CASZ1: variants seen among roughly 807,000 people sequenced by gnomAD.
The protein encoded by CASZ1 is castor zinc finger 1, also known as zinc finger protein castor homolog 1.
In CASZ1, 28 loss-of-function variants were observed where a neutral mutation model predicts 135.2. The ratio of observed to expected loss-of-function variants is 0.21; its 90% CI spans 0.15 to 0.28. CASZ1 has a LOEUF of 0.28. Ranked by LOEUF, CASZ1 falls within the 10% of genes least tolerant of loss-of-function variation. The pLI is 1.00. For missense variants in CASZ1, 2,161 were observed against 2,453.3 expected, an observed-to-expected ratio of 0.88 and a Z score of 2.52; for synonymous variants, 1,068 against 1,073.4, an observed-to-expected ratio of 0.99 and a Z score of 0.10.
rs754814945 is a variant in CASZ1 at position 10,643,136 on chromosome 1, C to T, written c.4020+24G>A. ...ATGCGTTCCCGCCACCCTGGCTGGG[C>T]TCTCACCTGGGGGGGGCTCTCACCT... On this transcript the variant is annotated intron_variant, in intron 19 of 20. Transcript: ENST00000377022. 2.8e-5 allele frequency: 45 copies of T among 1,604,546 alleles called. No homozygotes were observed. The South Asian group carries it at 4.1e-4, about 15-fold the overall frequency.
intron 5 of CASZ1, among the ~76,000 whole-genome samples, chr1:10,661,799 TCACA>T (rs557582262): frequency 6.7e-6 from 1 of 148,412 alleles, no homozygotes; most frequent in African/African-American, 2.5e-5. Flanking sequence ...ACATCCATTC[TCACA>T]CACACACCCA....
At chr1:10,753,018 C>G (rs541797525) in intron 2 of CASZ1, among the ~76,000 whole-genome samples, 2 of 152,266 alleles carry the variant, frequency 1.3e-5, no homozygotes, top group African/African-American at 4.8e-5. Flanking sequence ...GCCTGGGCAG[C>G]AAGACCAAAA....
chr1:10,789,990 G>A (rs1640927446), intron 1 of CASZ1, among the ~76,000 whole-genome samples: 2 of 152,144 alleles, frequency 1.3e-5, no homozygotes, highest in Non-Finnish European at 2.9e-5. Flanking sequence ...GCCCGAGGTG[G>A]GGGTGCCCCC....
intron 2 of CASZ1, among the ~76,000 whole-genome samples, chr1:10,744,296 C>G (rs1639995629): frequency 6.6e-6 from 1 of 151,900 alleles, no homozygotes; most frequent in South Asian, 2.1e-4. Flanking sequence ...AACTTTGGTA[C>G]CGAGACTTCT....
chr1:10,653,128 C>G, intron 11 of CASZ1: 1 of 582,464 alleles, frequency 1.7e-6, no homozygotes, highest in Non-Finnish European at 3.1e-6. Context: ...GAGGCAGGGA[C>G]CATCGCCCCC....
chr1:10,703,193 A>C (rs985679096), intron 3 of CASZ1, among the ~76,000 whole-genome samples: 1 of 152,154 alleles, frequency 6.6e-6, no homozygotes, highest in African/African-American at 2.4e-5. Context: ...CCGCGGCCGC[A>C]GCTCCCGTCT....
chr1:10,788,573 G>C lies in CASZ1; in HGVS notation c.-234+7991C>G, dbSNP rs1309645995. ...GATTCAAAAGAAGGGAAGAAGCACA[G>C]CCCAGAGACTGCCCGCCGTCAAACC... On this transcript the variant is annotated intron_variant, in intron 1 of 20. Transcript: ENST00000377022. This position sits in a 1 kb window ranked among gnomAD's most constrained non-coding sequence, Gnocchi z 4.1. Among the ~76,000 whole-genome samples the C allele has an allele frequency of 6.6e-6, 1 of 152,220 alleles. No homozygotes were observed. The highest frequency in any genetic ancestry group is 2.4e-5 in the African/African-American group (1 of 41,458).
At chr1:10,654,628 C>T in intron 9 of CASZ1, 37 bp from the exon 10 acceptor site, 1 of 1,597,664 alleles carries the variant, frequency 6.3e-7, no homozygotes, top group Non-Finnish European at 8.6e-7. Context: ...CGAACGGAGG[C>T]CAGGTGCTCC....
chr1:10,639,821 C>A lies in CASZ1; in HGVS notation c.4401G>T (p.Lys1467Asn). The A allele has an allele frequency of 6.2e-7, 1 of 1,610,534 alleles. No individual in the cohort carries two copies. Among genetic ancestry groups the A allele is most frequent in the Non-Finnish European group, 8.5e-7 (1 of 1,178,910 alleles). ...TGTACATGTGCGTGCGCCCGCAGAACTTGTAGCCGCAGTTCTCGCGCGTGC... is the reference window on the plus strand; with the variant it reads ...TGTACATGTGCGTGCGCCCGCAGAAATTGTAGCCGCAGTTCTCGCGCGTGC... Reference protein sequence around the residue: ...YHCTRENCGYKFCGRTHMYKH... With the variant: ...YHCTRENCGYNFCGRTHMYKH... The change falls in exon 21 of 21, where the codon AAG becomes AAT. Residue 1467 changes from lysine to asparagine, a missense_variant. Coordinates refer to ENST00000377022, the MANE Select transcript of CASZ1 (RefSeq NM_001079843.3). This position sits in a 1 kb window ranked among gnomAD's most constrained non-coding sequence, Gnocchi z 4.0.
intron 3 of CASZ1, chr1:10,704,526 G>T (rs370381645): frequency 6.6e-6 from 1 of 152,250 alleles, no homozygotes; most frequent in Non-Finnish European, 1.5e-5. Context: ...GGGATGCCGC[G>T]GTGGGAGCCG....
In CASZ1 at chr1:10,794,297, C is replaced by T. The variant is rs1218171242; in HGVS notation, c.-234+2267G>A. Among the ~76,000 whole-genome samples, 1 of 152,074 alleles carries T rather than the reference C, an allele frequency of 6.6e-6. No homozygotes were observed. Reference sequence around the variant, plus strand: ...GTGCGCTCTCACCGCGCGCCTGTACCAGCTCGGAGACGTCCTAAATTTACT... The same window carrying T: ...GTGCGCTCTCACCGCGCGCCTGTACTAGCTCGGAGACGTCCTAAATTTACT... On this transcript the variant is annotated intron_variant, in intron 1 of 20. Transcript: ENST00000377022. The surrounding 1 kb of genome is among the most constrained non-coding windows in gnomAD (Gnocchi z 5.6).
At chr1:10,723,605 C>T (rs1439864471) in intron 2 of CASZ1, among the ~76,000 whole-genome samples, 1 of 152,178 alleles carries the variant, frequency 6.6e-6, no homozygotes, top group Admixed American at 6.5e-5. Flanking sequence ...TGGCACTGGG[C>T]AATGGGGTCC....
chr1:10,679,798 T>C lies in CASZ1; in HGVS notation c.16+14076A>G, dbSNP rs1471016832. Among the ~76,000 whole-genome samples, 9 of 152,218 alleles carry C rather than the reference T, an allele frequency of 5.9e-5. No individual in the cohort carries two copies. The highest frequency in any genetic ancestry group is 5.9e-4 in the Admixed American group (9 of 15,284). The stretch of plus-strand genomic sequence containing the variant: ...CCGGCCCAACCTGGGCTCCAGCTGA[T>C]TAAGGATCTGCAACAGGATGTAGGG... On this transcript the variant is annotated intron_variant, in intron 4 of 20. Transcript: ENST00000377022. This position sits in a 1 kb window ranked among gnomAD's most constrained non-coding sequence, Gnocchi z 4.7.
intron 4 of CASZ1, among the ~76,000 whole-genome samples, chr1:10,671,187 A>C (rs1392028425): frequency 6.6e-6 from 1 of 152,240 alleles, no homozygotes; most frequent in Non-Finnish European, 1.5e-5. Context: ...AACTGTTAGC[A>C]TCCACCGCAC....
intron 13 of CASZ1, 60 bp from the exon 14 acceptor site, chr1:10,649,497 C>A: frequency 6.5e-7 from 1 of 1,531,646 alleles, no homozygotes; most frequent in Non-Finnish European, 8.8e-7. Flanking sequence ...ACACGGCAGC[C>A]TGGGGAGCAA....
rs754733929 is a variant in CASZ1, at chr1:10,654,214, G to C, written c.1843C>G (p.Pro615Ala). The C allele has an allele frequency of 6.2e-7, 1 of 1,613,956 alleles. No individual in the cohort carries two copies. ...TTCTTGAAAGTGAATGTGCAGCCGG[G>C]GCGCCTGGATGGGACATTGGGAGCC... ...QKTTHFHCRR[P>A]GCTFTFKNKC... The change falls in exon 11 of 21, where the codon CCC becomes GCC. Residue 615 changes from proline to alanine, a missense_variant. Physicochemically the swap from Pro to Ala is conservative, Grantham distance 27. This residue lies in a region of CASZ1 where 248 missense variants were observed against 410.8 expected (regional missense o/e 0.60). Coordinates refer to ENST00000377022, the MANE Select transcript of CASZ1 (RefSeq NM_001079843.3).
At chr1:10,749,190 C>T (rs1422374422) in intron 2 of CASZ1, among the ~76,000 whole-genome samples, 1 of 152,140 alleles carries the variant, frequency 6.6e-6, no homozygotes, top group Non-Finnish European at 1.5e-5. Context: ...GCCCTCCACC[C>T]TGTCCCCATC....
intron 5 of CASZ1, among the ~76,000 whole-genome samples, chr1:10,663,647 G>A (rs1228897559): frequency 6.6e-6 from 1 of 152,226 alleles, no homozygotes; most frequent in Non-Finnish European, 1.5e-5. Flanking sequence ...AGGGGTCCCT[G>A]AGGGGGCCCA....
chr1:10,778,198 C>T (rs553643224), intron 1 of CASZ1, among the ~76,000 whole-genome samples: 2 of 151,970 alleles, frequency 1.3e-5, no homozygotes, highest in African/African-American at 4.8e-5. Context: ...ATCAGACACA[C>T]TCTCACACAC....
Sources: gnomAD v4.1 joint callset for allele counts (sites outside exome capture counted in the v4.1 genomes callset) on GRCh38, gnomAD v4.1.1 for gene constraint, gnomAD v4.1.1 regional missense constraint, Gnocchi (gnomAD v3.1) non-coding constraint, MANE v1.5 for transcripts, NCBI Gene and HGNC (gene_info 2026-07-23, HGNC 2026-07-21) for gene names.